Variants in NFIC observed in about 807,000 individuals in gnomAD.
NFIC encodes the protein nuclear factor I C, also known as nuclear factor 1 C-type.
NFIC carries 12 observed loss-of-function variants against 54.4 expected under a neutral mutation model. The ratio of observed to expected loss-of-function variants is 0.22; its 90% confidence interval spans 0.14 to 0.36. The LOEUF is 0.36. Among genes scored for constraint, NFIC ranks in the 10% least tolerant of loss-of-function variants. The pLI is 1.00. For missense variants in NFIC, 575 were observed against 718.2 expected (o/e 0.80, Z 2.28); for synonymous variants, 322 against 319.2 (o/e 1.01, Z -0.09).
intron 9 of NFIC, chr19:3,454,146 C>G: frequency 7.7e-7 from 1 of 1,299,952 alleles, no homozygotes; most frequent in East Asian, 3.2e-5. Context: ...AGTCCAGGGT[C>G]TGTCCCCTTC....
At chr19:3,449,399 C>T (rs1477305796) in intron 7 of NFIC, among the ~76,000 whole-genome samples, 2 of 152,094 alleles carry the variant, frequency 1.3e-5, no homozygotes, top group Non-Finnish European at 2.9e-5. Flanking sequence ...ACCTCACTCC[C>T]CTCACCCCCG....
At chr19:3,435,004 G>A (rs1599682997) in intron 5 of NFIC, 79 bp from the exon 6 acceptor site, 11 of 1,469,748 alleles carry the variant, frequency 7.5e-6, no homozygotes, top group Admixed American at 4.5e-5. Flanking sequence ...TTAAGGACCG[G>A]AAGTAGCAAA....
Position 3,464,256 on chromosome 19 carries a change from CG to C in NFIC, c.*1488del. On this transcript the variant is annotated 3_prime_UTR_variant, in exon 11 of 11. Coordinates refer to ENST00000443272, the MANE Select transcript of NFIC (RefSeq NM_001245002.2). ...AGAGGAGGCCGACGCCAGCGGTCCC[CG>C]CTCGGAACGGGGAGGGTTTTCGGGG... The C allele has an allele frequency of 1.0e-6, 1 of 985,368 alleles. No homozygotes were observed. The highest frequency in any genetic ancestry group is 1.2e-6 in the Non-Finnish European group (1 of 829,916). 61.0% of individuals were successfully genotyped at this position (985,368 alleles called of 1,614,324 possible).
At chr19:3,384,375 C>A (rs1273460444) in intron 2 of NFIC, among the ~76,000 whole-genome samples, 1 of 151,740 alleles carries the variant, frequency 6.6e-6, no homozygotes, top group Non-Finnish European at 1.5e-5. Flanking sequence ...ACACCAGTTA[C>A]CCAGTCTTTT....
intron 1 of NFIC, among the ~76,000 whole-genome samples, chr19:3,368,218 A>G (rs1230539316): frequency 3.9e-5 from 6 of 152,346 alleles, no homozygotes; most frequent in African/African-American, 4.8e-5. Context: ...ACCAGCTGGA[A>G]GGAGCCATTT....
intron 3 of NFIC, among the ~76,000 whole-genome samples, chr19:3,429,868 AG>A (rs2145618755): frequency 1.3e-5 from 2 of 152,322 alleles, no homozygotes; most frequent in South Asian, 4.1e-4. Flanking sequence ...CGTGGCCCTC[AG>A]GGAGGTGATG....
rs779046165 is a variant in NFIC at position 3,452,496 on chromosome 19, C to T, written c.1099C>T (p.Pro367Ser). The T allele has an allele frequency of 6.8e-6, 11 of 1,612,186 alleles. No homozygotes were observed. Among genetic ancestry groups the T allele is most frequent in the African/African-American group, 6.7e-5 (5 of 74,894 alleles). The change falls in exon 8 of 11, where the codon CCA becomes TCA. Residue 367 changes from proline (P) to serine (S), a missense_variant. Physicochemically the swap from Pro to Ser is moderately conservative, Grantham distance 74 (BLOSUM62 -1). Around this residue, in one of 3 missense-constraint regions of NFIC, gnomAD observed 447 missense variants for 526.9 expected, o/e 0.85. Transcript: ENST00000443272. The surrounding 1 kb of genome is among the most constrained non-coding windows in gnomAD (Gnocchi z 5.3). The stretch of plus-strand genomic sequence containing the variant: ...TGTCTCCGCAGGGATCGCCCGGAGC[C>T]CACACCCGTCCTCCGCTCTGCATTT... ...IAVHSGIARS[P>S]HPSSALHFPT...
chr19:3,376,521 C>G (rs1001404362), intron 1 of NFIC, among the ~76,000 whole-genome samples: 1 of 151,202 alleles, frequency 6.6e-6, no homozygotes, highest in Non-Finnish European at 1.5e-5. Flanking sequence ...TCACTTGAGC[C>G]CAGGAGTTTG....
At position 3,464,572 on chromosome 19, in the gene NFIC, T is replaced by C. The variant is rs1364646329; in HGVS notation, c.*1803T>C. 2.5e-6 allele frequency: 2 copies of C among 789,570 alleles called. No homozygotes were observed. Among genetic ancestry groups the C allele is most frequent in the African/African-American group, 7.1e-5 (2 of 28,086 alleles). 48.9% of individuals were successfully genotyped at this position (789,570 alleles called of 1,614,324 possible). On this transcript the variant is annotated 3_prime_UTR_variant, in exon 11 of 11. Transcript: ENST00000443272. ...CTGACCTCCATGCCTAGGGAAAAAC[T>C]CCCCCCACCACTGCCCCCTCCCCCG...
At chr19:3,448,914 T>A in intron 6 of NFIC, 100 bp from the exon 7 acceptor site, 1 of 1,486,826 alleles carries the variant, frequency 6.7e-7, no homozygotes, top group Non-Finnish European at 9.0e-7. Context: ...GGAGGCGGGG[T>A]GATGAGGCTT....
At chr19:3,371,536 G>T (rs77434299) in intron 1 of NFIC, 1 of 152,000 alleles carries the variant, frequency 6.6e-6, no homozygotes, top group African/African-American at 2.4e-5. Flanking sequence ...GTTGAGAGGC[G>T]GGACTTTGGT....
chr19:3,380,847 T>C (rs1057213722), intron 1 of NFIC, among the ~76,000 whole-genome samples: 2 of 151,794 alleles, frequency 1.3e-5, no homozygotes, highest in African/African-American at 4.8e-5. Context: ...AGCGATGGGG[T>C]TTTACCATAT....
chr19:3,366,564 T>TGGGGGGGGGGGGGGGGGG (rs2080888619), upstream of NFIC: 1 of 456,810 alleles, frequency 2.2e-6, no homozygotes, highest in Non-Finnish European at 3.2e-6. Flanking sequence ...GGCGGGGGGG[T>TGGGGGGGGGGGGGGGGGG]GGTTTGGAAA....
chr19:3,398,086 G>A (rs571908836), intron 2 of NFIC, among the ~76,000 whole-genome samples: 4 of 152,196 alleles, frequency 2.6e-5, no homozygotes, highest in South Asian at 2.1e-4. Flanking sequence ...CTCTTCCGGC[G>A]CCCACTGTGC....
In NFIC at chr19:3,459,236, C is replaced by G. The variant is rs1287344839; in HGVS notation, c.1509+2601C>G. Among the ~76,000 whole-genome samples the G allele has an allele frequency of 1.3e-5, 2 of 151,542 alleles. No individual in the cohort carries two copies. Among genetic ancestry groups the G allele is most frequent in the African/African-American group, 2.4e-5 (1 of 41,190 alleles). ...TGCCTCTCCGGCTCCCGACACCCCCCAGTCCATGGACTCTCCCCCCATCAA... is the reference window on the plus strand; with the variant it reads ...TGCCTCTCCGGCTCCCGACACCCCCGAGTCCATGGACTCTCCCCCCATCAA... On this transcript the variant is annotated intron_variant, in intron 10 of 10. Coordinates refer to ENST00000443272, the MANE Select transcript of NFIC (RefSeq NM_001245002.2). This position sits in a 1 kb window ranked among gnomAD's most constrained non-coding sequence, Gnocchi z 4.2.
At chr19:3,377,599 A>G (rs563308409) in intron 1 of NFIC, among the ~76,000 whole-genome samples, 1 of 151,804 alleles carries the variant, frequency 6.6e-6, no homozygotes, top group East Asian at 1.9e-4. Context: ...AGATGTTTTT[A>G]ATTTGTTTTA....
At chr19:3,414,772 C>T (rs1024977304) in intron 2 of NFIC, among the ~76,000 whole-genome samples, 1 of 152,074 alleles carries the variant, frequency 6.6e-6, no homozygotes, top group East Asian at 1.9e-4. Context: ...ATGCTGCAAA[C>T]CCCGACTCTG....
intron 2 of NFIC, among the ~76,000 whole-genome samples, chr19:3,386,972 G>A (rs1034488740): frequency 2.6e-5 from 4 of 152,228 alleles, no homozygotes; most frequent in Admixed American, 6.5e-5. Context: ...ACTGGCCACC[G>A]GCTTCCTTTT....
intron 2 of NFIC, among the ~76,000 whole-genome samples, chr19:3,395,195 C>T (rs980879311): frequency 1.3e-5 from 2 of 152,066 alleles, no homozygotes; most frequent in Admixed American, 1.3e-4. Flanking sequence ...CCCATCTCTA[C>T]TAAAAATACA....
Sources: gnomAD v4.1 joint callset for allele counts (sites outside exome capture counted in the v4.1 genomes callset) on GRCh38, gnomAD v4.1.1 for gene constraint, gnomAD v4.1.1 regional missense constraint, Gnocchi (gnomAD v3.1) non-coding constraint, MANE v1.5 for transcripts, NCBI Gene and HGNC (gene_info 2026-07-23, HGNC 2026-07-21) for gene names.